The following PRMT7 variants were observed in gnomAD, a reference collection of about 807,000 sequenced individuals.
PRMT7 encodes the protein protein arginine N-methyltransferase 7.
A neutral mutation model predicts 85.4 loss-of-function variants in PRMT7; 75 were observed. The ratio of observed to expected loss-of-function variants is 0.88; its 90% confidence interval spans 0.73 to 1.06. The LOEUF (loss-of-function observed/expected upper bound fraction) is 1.06. Ranked by LOEUF, PRMT7 falls within the 50% of genes least tolerant of loss-of-function variation. PRMT7 has a pLI of 0.00. For missense variants in PRMT7, 868 were observed against 915.2 expected (o/e 0.95, Z 0.67); for synonymous variants, 397 against 359.5 (o/e 1.10, Z -1.18).
intron 3 of PRMT7, among the ~76,000 whole-genome samples, chr16:68,320,867 G>A (rs915103245): frequency 6.6e-6 from 1 of 152,172 alleles, no homozygotes; most frequent in African/African-American, 2.4e-5. Context: ...GAGGCAAGAG[G>A]ATCTCTTGAG....
chr16:68,318,000 G>T (rs2082073273), intron 3 of PRMT7, among the ~76,000 whole-genome samples: 1 of 152,004 alleles, frequency 6.6e-6, no homozygotes, highest in South Asian at 2.1e-4. Context: ...GCAGGAAGAG[G>T]AACATGAGTT....
intron 3 of PRMT7, among the ~76,000 whole-genome samples, chr16:68,319,470 G>A (rs2082236501): frequency 6.6e-6 from 1 of 151,820 alleles, no homozygotes; most frequent in African/African-American, 2.4e-5. Flanking sequence ...GGCAGTAAGT[G>A]TGAAGAGGCC....
intron 3 of PRMT7, among the ~76,000 whole-genome samples, chr16:68,321,013 A>T (rs552521566): frequency 6.6e-6 from 1 of 152,246 alleles, no homozygotes; most frequent in Admixed American, 6.5e-5. Context: ...TCACACCTGT[A>T]ATCCCAGCAC....
At chr16:68,327,910 A>G (rs892363195) in intron 5 of PRMT7, among the ~76,000 whole-genome samples, 12 of 144,700 alleles carry the variant, frequency 8.3e-5, no homozygotes, top group Non-Finnish European at 1.7e-4. Context: ...CAGCCTGGAC[A>G]ATAGAGTGAG....
chr16:68,355,913 AG>A, intron 17 of PRMT7, 30 bp downstream of exon 17: 1 of 1,526,952 alleles, frequency 6.5e-7, no homozygotes, highest in Non-Finnish European at 8.8e-7. Context: ...GGGGGCAGGG[AG>A]GGGCTGCTGC....
chr16:68,337,458 G>C lies in PRMT7; in HGVS notation c.392-1G>C, dbSNP rs2084872422. 2 of 1,602,122 alleles carry C rather than the reference G, an allele frequency of 1.2e-6. No homozygotes were observed. The highest frequency in any genetic ancestry group is 1.3e-5 in the African/African-American group (1 of 74,336). Reference sequence around the variant, plus strand: ...CAACTCTGTTTTCTTGTGTTTTTCAGAGGGTGACATGCCATGCCGTGCCAA... The same window carrying C: ...CAACTCTGTTTTCTTGTGTTTTTCACAGGGTGACATGCCATGCCGTGCCAA... On this transcript the variant is annotated splice_acceptor_variant, in intron 6 of 18. Coordinates refer to ENST00000441236, the MANE Select transcript of PRMT7 (RefSeq NM_019023.5). LOFTEE classifies it high-confidence loss of function.
chr16:68,312,744 G>T (rs2044085838), intron 2 of PRMT7, among the ~76,000 whole-genome samples: 1 of 152,116 alleles, frequency 6.6e-6, no homozygotes, highest in Non-Finnish European at 1.5e-5. Context: ...ATGGATGAGG[G>T]CATTCAGCCA....
intron 9 of PRMT7, among the ~76,000 whole-genome samples, chr16:68,341,961 T>C (rs1338746229): frequency 6.6e-6 from 1 of 152,108 alleles, no homozygotes; most frequent in Non-Finnish European, 1.5e-5. Flanking sequence ...AAGTTTAATT[T>C]TGGGGAAGGA....
chr16:68,351,113 C>T (rs979548286), intron 14 of PRMT7, among the ~76,000 whole-genome samples: 2 of 152,158 alleles, frequency 1.3e-5, no homozygotes, highest in East Asian at 1.9e-4. Context: ...ACCGGTAGAC[C>T]GGGGTCACAT....
chr16:68,336,615 TTTAA>T (rs1471220072), intron 6 of PRMT7, among the ~76,000 whole-genome samples: 1 of 152,256 alleles, frequency 6.6e-6, no homozygotes, highest in African/African-American at 2.4e-5. Context: ...TGGTTAATAG[TTTAA>T]TTGTTAATTT....
chr16:68,349,791 T>G (rs1475564521), intron 14 of PRMT7, among the ~76,000 whole-genome samples: 1 of 151,538 alleles, frequency 6.6e-6, no homozygotes, highest in Non-Finnish European at 1.5e-5. Flanking sequence ...GAGGCTGAGG[T>G]GGGTGAGGTG....
At chr16:68,342,451 G>A (rs893945790) in intron 9 of PRMT7, among the ~76,000 whole-genome samples, 2 of 152,112 alleles carry the variant, frequency 1.3e-5, no homozygotes, top group East Asian at 1.9e-4. Context: ...GGCAGTTTTG[G>A]TTTCAGGACC....
At chr16:68,349,588 C>T (rs1723664259) in intron 14 of PRMT7, among the ~76,000 whole-genome samples, 1 of 151,962 alleles carries the variant, frequency 6.6e-6, no homozygotes, top group South Asian at 2.1e-4. Context: ...TAGCCGTCAC[C>T]CAGTCTCATT....
chr16:68,311,133 G>T (rs3743742), intron 1 of PRMT7, 34 bp downstream of exon 1: 371,450 of 670,340 alleles, frequency 0.55, 105,118 homozygotes, highest in East Asian at 0.79. Flanking sequence ...AGGTGGGGTC[G>T]CTTTGGGGTT....
At chr16:68,360,459 G>A (rs892156105), downstream of PRMT7, 1 of 152,480 alleles carries the variant, frequency 6.6e-6, no homozygotes, top group African/African-American at 2.4e-5. Context: ...ACTCTGTTGT[G>A]CCTGAGCTGG....
At position 68,346,312 on chromosome 16, in the gene PRMT7, G is replaced by A. The variant is rs779789981; in HGVS notation, c.1191+32G>A. 5 of 1,610,080 alleles carry A rather than the reference G, an allele frequency of 3.1e-6. No homozygotes were observed. The East Asian group carries it at 8.9e-5, about 29-fold the overall frequency. On this transcript the variant is annotated intron_variant, in intron 11 of 18. Coordinates refer to ENST00000441236, the MANE Select transcript of PRMT7 (RefSeq NM_019023.5). Reference sequence around the variant, plus strand: ...GTCCAGCCCCTTGGCTTGTTGTGGGGAAAAGGGAGAAAGAAGTTTGTCCCA... The same window carrying A: ...GTCCAGCCCCTTGGCTTGTTGTGGGAAAAAGGGAGAAAGAAGTTTGTCCCA...
intron 5 of PRMT7, 94 bp downstream of exon 5, chr16:68,324,926 A>C: frequency 1.3e-6 from 2 of 1,507,058 alleles, no homozygotes; most frequent in Non-Finnish European, 1.8e-6. Context: ...ACAAACATTC[A>C]TGGAGTGCTC....
chr16:68,337,917 T>C (rs559466760), intron 7 of PRMT7, among the ~76,000 whole-genome samples: 5 of 152,216 alleles, frequency 3.3e-5, no homozygotes, highest in Non-Finnish European at 7.3e-5. Flanking sequence ...CAGCACGTGC[T>C]AGACGTGAGA....
chr16:68,339,312 A>G lies in PRMT7; in HGVS notation c.505-10A>G, dbSNP rs762334730. 2 of 1,613,048 alleles carry G rather than the reference A, an allele frequency of 1.2e-6. No individual in the cohort carries two copies. Among genetic ancestry groups the G allele is most frequent in the Non-Finnish European group, 1.7e-6 (2 of 1,179,124 alleles). ...ATTTTTGTTTGGTTTTGTTTTTAAT[A>G]TAAACTTAGGAAAATTGTGAGGCCG... On this transcript the variant is annotated splice_polypyrimidine_tract_variant and intron_variant, in intron 7 of 18. Transcript: ENST00000441236.
Sources: gnomAD v4.1 joint callset for allele counts (sites outside exome capture counted in the v4.1 genomes callset) on GRCh38, gnomAD v4.1.1 for gene constraint, MANE v1.5 for transcripts, NCBI Gene and HGNC (gene_info 2026-07-23, HGNC 2026-07-21) for gene names.